TFB2M: variants seen among roughly 807,000 people sequenced by gnomAD.
TFB2M encodes the protein dimethyladenosine transferase 2, mitochondrial.
A neutral mutation model predicts 41.3 loss-of-function variants in TFB2M; 44 were observed. That is an observed-to-expected ratio of 1.07 (90% CI 0.84 to 1.37). The LOEUF (loss-of-function observed/expected upper bound fraction) is 1.37, where lower values mean the gene tolerates loss of function less well. TFB2M is among the 40% of genes most tolerant of loss of function. TFB2M has a pLI of 0.00. For synonymous variants in TFB2M, 188 were observed against 176.8 expected (o/e 1.06, Z -0.50); for missense variants, 496 against 490.2 (o/e 1.01, Z -0.11).
chr1:246,559,611 A>C (rs12750641), intron 2 of TFB2M, among the ~76,000 whole-genome samples: 49,662 of 152,098 alleles, frequency 0.33, 8,842 homozygotes, highest in East Asian at 0.66. Context: ...GAAGTTTTAA[A>C]AAGACTAGAG....
chr1:246,553,873 G>A (rs1023143294), intron 4 of TFB2M, among the ~76,000 whole-genome samples: 1 of 152,108 alleles, frequency 6.6e-6, no homozygotes, highest in Admixed American at 6.5e-5. Context: ...ATAGAATCTC[G>A]AGGAAACTCA....
intron 4 of TFB2M, among the ~76,000 whole-genome samples, chr1:246,554,179 A>T (rs1659256721): frequency 6.6e-6 from 1 of 152,226 alleles, no homozygotes; most frequent in Non-Finnish European, 1.5e-5. Flanking sequence ...ATTTACTGAA[A>T]ATGGATCAAA....
intron 4 of TFB2M, among the ~76,000 whole-genome samples, chr1:246,552,554 C>G (rs1047443997): frequency 2.0e-5 from 3 of 150,972 alleles, no homozygotes; most frequent in African/African-American, 7.3e-5. Flanking sequence ...AAATAAACTA[C>G]CTGGGTGTGG....
Position 246,565,835 on chromosome 1 carries a change from A to G in TFB2M, c.304T>C (p.Cys102Arg), listed in dbSNP as rs758954348. The G allele has an allele frequency of 1.9e-6, 3 of 1,599,672 alleles. No homozygotes were observed. The South Asian group carries it at 3.3e-5, about 18-fold the overall frequency. ...ATTCAGCTGGACTCACCTGGATTGC[A>G]CTCCAGCAGTAGGTGTGGAGGTCTA... ...PSRPPHLLLECNPGPGILTQA... is the reference protein window; with the variant it reads ...PSRPPHLLLERNPGPGILTQA... Residue 102 changes from cysteine to arginine, a missense_variant, in exon 1 of 8, where the codon TGC (cysteine) becomes CGC (arginine). Transcript: ENST00000366514.
In TFB2M at chr1:246,566,069, A is replaced by G. The variant is rs776236188; in HGVS notation, c.70T>C (p.Cys24Arg). ...GTCGCCGCTTCAGACCCTAAAATGC[A>G]AAAGCGACCAGCGCCCGCCAAGGCG... ...LSALAGAGRF[C>R]ILGSEAATRK... is the part of the protein sequence containing the mutation. The change falls in exon 1 of 8, where the codon TGC becomes CGC. Residue 24 changes from cysteine to arginine, a missense_variant. Cys to Arg is a radical substitution (Grantham distance 180). Transcript: ENST00000366514. 1 of 1,613,820 alleles carries G rather than the reference A, an allele frequency of 6.2e-7. No homozygotes were observed. Among genetic ancestry groups the G allele is most frequent in the Non-Finnish European group, 8.5e-7 (1 of 1,179,788 alleles).
chr1:246,553,090 C>T (rs1015474113), intron 4 of TFB2M, among the ~76,000 whole-genome samples: 2 of 152,002 alleles, frequency 1.3e-5, no homozygotes, highest in East Asian at 1.9e-4. Context: ...GGCATGGTGG[C>T]GCGTGCCTGT....
Position 246,544,574 on chromosome 1 carries a change from G to T in TFB2M, c.966C>A (p.His322Gln), listed in dbSNP as rs762997798. ...GCCTCCCAAAACAGTGCTTTAACAAGTGAAAAAATATATTATAGTTCATAG... is the reference window on the plus strand; with the variant it reads ...GCCTCCCAAAACAGTGCTTTAACAATTGAAAAAATATATTATAGTTCATAG... Reference protein sequence around the residue: ...LTPMNYNIFFHLLKHCFGRRS... With the variant: ...LTPMNYNIFFQLLKHCFGRRS... The change falls in exon 7 of 8, where the codon CAC becomes CAA. Residue 322 changes from histidine to glutamine, a missense_variant. His to Gln is a conservative substitution (Grantham distance 24). Coordinates refer to ENST00000366514, the MANE Select transcript of TFB2M (RefSeq NM_022366.3). The T allele has an allele frequency of 8.7e-6, 14 of 1,610,368 alleles. No homozygotes were observed. Among genetic ancestry groups the T allele is most frequent in the Non-Finnish European group, 1.2e-5 (14 of 1,179,132 alleles).
At chr1:246,556,792 A>AGACAAACTAAGTT (rs1205358250) in intron 3 of TFB2M, 71 bp from the exon 4 acceptor site, 6 of 1,229,768 alleles carry the variant, frequency 4.9e-6, no homozygotes, top group Non-Finnish European at 6.7e-6. Flanking sequence ...TATTTTTTTG[A>AGACAAACTAAGTT]GACAAACTAA....
Position 246,541,074 on chromosome 1 carries a change from C to T in TFB2M, c.1148G>A (p.Cys383Tyr), listed in dbSNP as rs1206712803. The change falls in exon 8 of 8, where the codon TGT becomes TAT. Residue 383 changes from cysteine (C) to tyrosine (Y), a missense_variant. Transcript: ENST00000366514. Reference sequence around the variant, plus strand: ...TTCATCATACAGCCATTTATAAGCACAATCTTTGGAACGCTCTATAGTTTC... The same window carrying T: ...TTCATCATACAGCCATTTATAAGCATAATCTTTGGAACGCTCTATAGTTTC... ...LFETIERSKD[C>Y]AYKWLYDETL... The T allele has an allele frequency of 1.2e-6, 2 of 1,613,280 alleles. No individual in the cohort carries two copies. Among genetic ancestry groups the T allele is most frequent in the Admixed American group, 1.7e-5 (1 of 59,904 alleles).
rs1659332858 is a variant in TFB2M at position 246,556,733 on chromosome 1, A to G, written c.557-12T>C. Reference sequence around the variant, plus strand: ...TTTTAAAGGGATGTCTGTTAGGAATATAAGCAAAAAGATTTGAATAAAGTT... The same window carrying G: ...TTTTAAAGGGATGTCTGTTAGGAATGTAAGCAAAAAGATTTGAATAAAGTT... On this transcript the variant is annotated splice_polypyrimidine_tract_variant and intron_variant, in intron 3 of 7. Transcript: ENST00000366514. The G allele has an allele frequency of 6.5e-7, 1 of 1,542,956 alleles. No individual in the cohort carries two copies. The highest frequency in any genetic ancestry group is 1.3e-5 in the South Asian group (1 of 76,514).
chr1:246,556,158 T>C (rs1370197854), intron 4 of TFB2M, among the ~76,000 whole-genome samples: 1 of 152,184 alleles, frequency 6.6e-6, no homozygotes, highest in African/African-American at 2.4e-5. Flanking sequence ...TTGATGAACC[T>C]TGAAAACATT....
chr1:246,545,099 C>T (rs948602955), intron 6 of TFB2M, among the ~76,000 whole-genome samples: 2 of 152,186 alleles, frequency 1.3e-5, no homozygotes, highest in South Asian at 2.1e-4. Context: ...AGCCACCGTG[C>T]CCGGCCCACA....
At chr1:246,546,966 T>TACACACACAC (rs1372687255) in intron 6 of TFB2M, among the ~76,000 whole-genome samples, 1 of 132,248 alleles carries the variant, frequency 7.6e-6, no homozygotes. Context: ...TATGTATATA[T>TACACACACAC]ACACACACAC....
intron 1 of TFB2M, among the ~76,000 whole-genome samples, chr1:246,564,754 A>G (rs1659560938): frequency 6.7e-6 from 1 of 149,912 alleles, no homozygotes; most frequent in Admixed American, 6.7e-5. Context: ...ATCTCGGCTC[A>G]CTGCAACCTC....
At position 246,557,503 on chromosome 1, in the gene TFB2M, C is replaced by T. The variant is rs143738275; in HGVS notation, c.434G>A (p.Arg145Gln). The change falls in exon 3 of 8, where the codon CGA becomes CAA. Residue 145 changes from arginine (R) to glutamine (Q), a missense_variant. Arg to Gln is a conservative substitution (Grantham distance 43). Transcript: ENST00000366514. Reference protein sequence around the residue: ...SLGKNLDGKLRVIHCDFFKLD... With the variant: ...SLGKNLDGKLQVIHCDFFKLD... ...TTTAAAGAAGTCACAGTGAATCACT[C>T]GTAGTTTTCCATCCAGATTTTTTCC... is the stretch of plus-strand genomic sequence containing the variant. The T allele has an allele frequency of 6.2e-6, 10 of 1,607,468 alleles. No individual in the cohort carries two copies. The highest frequency in any genetic ancestry group is 2.2e-5 in the East Asian group (1 of 44,676).
chr1:246,551,294 C>T lies in TFB2M; in HGVS notation c.714G>A (p.Met238Ile). Residue 238 changes from methionine (M) to isoleucine (I), a missense_variant, in exon 5 of 8, where the codon ATG becomes ATA. Transcript: ENST00000366514. ...ACAAGTCTGGATTTCCGGGATCTGC[C>T]ATTAGTTTCTAGTAAAAGGAAAATA... is the stretch of plus-strand genomic sequence containing the variant. ...FIGEKEFQKL[M>I]ADPGNPDLYH... The T allele has an allele frequency of 6.2e-7, 1 of 1,610,304 alleles. No individual in the cohort carries two copies. The highest frequency in any genetic ancestry group is 8.5e-7 in the Non-Finnish European group (1 of 1,176,636).
Position 246,565,931 on chromosome 1 carries a change from C to A in TFB2M, c.208G>T (p.Asp70Tyr). 1 of 1,614,238 alleles carries A rather than the reference C, an allele frequency of 6.2e-7. No homozygotes were observed. Among genetic ancestry groups the A allele is most frequent in the Non-Finnish European group, 8.5e-7 (1 of 1,180,038 alleles). The change falls in exon 1 of 8, where the codon GAC becomes TAC. Residue 70 changes from aspartate to tyrosine, a missense_variant. Asp to Tyr is a radical substitution (Grantham distance 160). Coordinates refer to ENST00000366514, the MANE Select transcript of TFB2M (RefSeq NM_022366.3). Reference sequence around the variant, plus strand: ...CGATCGGTTACGTAACGCTTAAAGTCTAAGCTGGCCTTAGACGCCTTCCTT... The same window carrying A: ...CGATCGGTTACGTAACGCTTAAAGTATAAGCTGGCCTTAGACGCCTTCCTT... ...PPRKASKASLDFKRYVTDRRL... is the reference protein window; with the variant it reads ...PPRKASKASLYFKRYVTDRRL...
At chr1:246,551,330 G>A (rs75477023) in intron 4 of TFB2M, 28 bp from the exon 5 acceptor site, 676,365 of 1,474,424 alleles carry the variant, frequency 0.46, 156,392 homozygotes, top group Non-Finnish European at 0.47. Context: ...AAAATTACAT[G>A]TTATACACAT....
At chr1:246,551,440 G>C (rs956404101) in intron 4 of TFB2M, 138 bp from the exon 5 acceptor site, 1 of 629,330 alleles carries the variant, frequency 1.6e-6, no homozygotes, top group African/African-American at 1.8e-5. Flanking sequence ...CAAAAAGCCG[G>C]GTGCAGCGGT....
Sources: allele counts gnomAD v4.1 joint callset (sites outside exome capture counted in the v4.1 genomes callset), GRCh38; gene constraint gnomAD v4.1.1; transcripts MANE v1.5; gene names NCBI Gene and HGNC (gene_info 2026-07-23, HGNC 2026-07-21).